Variants in DPF3 observed in about 807,000 individuals in gnomAD.
DPF3 encodes the protein double PHD fingers 3, also known as zinc finger protein DPF3.
A neutral mutation model predicts 56.8 loss-of-function variants in DPF3; 18 were observed. That is an observed-to-expected ratio of 0.32 (90% CI 0.22 to 0.47). DPF3 has a LOEUF of 0.47. Ranked by LOEUF, DPF3 falls within the 20% of genes least tolerant of loss-of-function variation. The pLI, the probability that DPF3 is intolerant of heterozygous loss-of-function variation, is 1.00. For synonymous variants in DPF3, 188 were observed against 180.2 expected (o/e 1.04, Z -0.35); for missense variants, 403 against 488.8 (o/e 0.82, Z 1.65).
chr14:72,687,620 G>A (rs555904572), intron 7 of DPF3, among the ~76,000 whole-genome samples: 3 of 152,242 alleles, frequency 2.0e-5, no homozygotes, highest in Admixed American at 1.3e-4. Context: ...TTGTCTGAAT[G>A]TGCCATGCTA....
intron 3 of DPF3, among the ~76,000 whole-genome samples, chr14:72,736,518 C>T (rs2139866409): frequency 6.6e-6 from 1 of 152,242 alleles, no homozygotes; most frequent in Middle Eastern, 3.4e-3. Context: ...CACTGCAAAC[C>T]CTGGTTGCAA....
At chr14:72,671,400 C>A in intron 8 of DPF3, 1 of 1,588,926 alleles carries the variant, frequency 6.3e-7, no homozygotes, top group South Asian at 1.1e-5. Context: ...TATTAATATT[C>A]TCATTACATT....
intron 8 of DPF3, chr14:72,670,661 C>T (rs941208499): frequency 1.0e-6 from 1 of 989,218 alleles, no homozygotes; most frequent in African/African-American, 1.8e-5. Context: ...CTCTCTCTCG[C>T]AAAAAAAGTC....
chr14:72,835,942 G>T, intron 1 of DPF3: 1 of 703,446 alleles, frequency 1.4e-6, no homozygotes, highest in Non-Finnish European at 1.7e-6. Flanking sequence ...TTGACTCTTC[G>T]ACACCTAAAA....
At chr14:72,621,872 C>T (rs1884471982) in intron 9 of DPF3, among the ~76,000 whole-genome samples, 1 of 152,150 alleles carries the variant, frequency 6.6e-6, no homozygotes, top group South Asian at 2.1e-4. Context: ...TACAGCCACC[C>T]AATGGGACAT....
At chr14:72,891,688 C>A (rs1243828062) in intron 1 of DPF3, among the ~76,000 whole-genome samples, 1 of 152,010 alleles carries the variant, frequency 6.6e-6, no homozygotes, top group Non-Finnish European at 1.5e-5. Context: ...CAAAAACTGT[C>A]CAGGGTGTGA....
chr14:72,751,507 A>G (rs190714360), intron 3 of DPF3, among the ~76,000 whole-genome samples: 22 of 152,354 alleles, frequency 1.4e-4, no homozygotes, highest in African/African-American at 5.0e-4. Context: ...GCTGCAGGCC[A>G]GGACCGCACT....
At chr14:72,752,915 T>C (rs1036862595) in intron 3 of DPF3, among the ~76,000 whole-genome samples, 1 of 152,178 alleles carries the variant, frequency 6.6e-6, no homozygotes, top group African/African-American at 2.4e-5. Flanking sequence ...AAGATTTCTT[T>C]ACTTGAGGCC....
intron 1 of DPF3, among the ~76,000 whole-genome samples, chr14:72,796,874 T>C (rs1307891820): frequency 1.3e-5 from 2 of 150,790 alleles, no homozygotes; most frequent in Non-Finnish European, 3.0e-5. Flanking sequence ...GGTAGGGAGG[T>C]TTAGAGAAAA....
intron 6 of DPF3, among the ~76,000 whole-genome samples, chr14:72,710,778 G>T (rs1043019328): frequency 3.3e-5 from 5 of 152,232 alleles, no homozygotes; most frequent in African/African-American, 4.8e-5. Context: ...TTAAGCAAGA[G>T]ATTAAAAGGG....
At chr14:72,835,098 T>A (rs1367927104) in intron 1 of DPF3, among the ~76,000 whole-genome samples, 1 of 151,802 alleles carries the variant, frequency 6.6e-6, no homozygotes, top group Non-Finnish European at 1.5e-5. Context: ...TCTTTTTTCT[T>A]TTTCTGTCAC....
At chr14:72,873,187 A>G (rs1399051808) in intron 1 of DPF3, among the ~76,000 whole-genome samples, 14 of 152,166 alleles carry the variant, frequency 9.2e-5, no homozygotes, top group Non-Finnish European at 1.8e-4. Context: ...ACAAAGGGCT[A>G]ATATCCAGAA....
intron 5 of DPF3, among the ~76,000 whole-genome samples, chr14:72,715,020 G>A (rs777924269): frequency 3.9e-5 from 6 of 152,244 alleles, no homozygotes; most frequent in Middle Eastern, 3.4e-3. Flanking sequence ...GTCCATCCCC[G>A]CAGTGTCGCA....
At chr14:72,830,755 C>T (rs1329537382) in intron 1 of DPF3, among the ~76,000 whole-genome samples, 3 of 152,204 alleles carry the variant, frequency 2.0e-5, no homozygotes, top group Non-Finnish European at 4.4e-5. Context: ...AAGGACCTTA[C>T]ACATAATATA....
intron 2 of DPF3, among the ~76,000 whole-genome samples, chr14:72,759,346 A>G (rs916603137): frequency 2.0e-5 from 3 of 152,232 alleles, no homozygotes; most frequent in African/African-American, 7.2e-5. Context: ...TGTGTAATTG[A>G]AGAAAGGGAA....
At chr14:72,688,214 G>GTGGATGGATGGA (rs1237171034) in intron 7 of DPF3, among the ~76,000 whole-genome samples, 1 of 126,586 alleles carries the variant, frequency 7.9e-6, no homozygotes, top group African/African-American at 3.0e-5. Flanking sequence ...GGGTGTGTGG[G>GTGGATGGATGGA]TGGATGGATG....
Position 72,629,663 on chromosome 14 carries a change from C to T in DPF3, c.945G>A (p.Glu315=), listed in dbSNP as rs1294731974. The T allele has an allele frequency of 1.3e-6, 2 of 1,536,120 alleles. No homozygotes were observed. The highest frequency in any genetic ancestry group is 2.0e-5 in the Admixed American group (1 of 51,006). ...AVKTYKWQCI[E]CKSCILCGTS... is the part of the protein sequence containing the mutation. ...TCCCACAGAGGATACAGGATTTGCA[C>T]TCTATGCACTGCCACTTGTAGGTCT... is the stretch of plus-strand genomic sequence containing the variant. Residue 315 remains glutamate (E), a synonymous_variant, in exon 9 of 11, where the codon GAG becomes GAA. Coordinates refer to ENST00000556509, the MANE Select transcript of DPF3 (RefSeq NM_001280542.3).
chr14:72,711,519 T>C (rs1004450722), intron 6 of DPF3, among the ~76,000 whole-genome samples: 6 of 152,082 alleles, frequency 3.9e-5, no homozygotes, highest in Admixed American at 6.5e-5. Flanking sequence ...TAAGGAGATA[T>C]GTCCGCTGCT....
chr14:72,609,234 C>T lies in DPF3; in HGVS notation c.*10063G>A, dbSNP rs920880278. Reference sequence around the variant, plus strand: ...AGGGGTCCCAAAGAAGAAGGCTGCTCGATCCCCACATTCTTCATCTCATCA... The same window carrying T: ...AGGGGTCCCAAAGAAGAAGGCTGCTTGATCCCCACATTCTTCATCTCATCA... On this transcript the variant is annotated 3_prime_UTR_variant, in exon 11 of 11. Coordinates refer to ENST00000556509, the MANE Select transcript of DPF3 (RefSeq NM_001280542.3). 6.6e-6 allele frequency among the ~76,000 whole-genome samples: 1 copy of T among 152,148 alleles called. No homozygotes were observed. The highest frequency in any genetic ancestry group is 6.6e-5 in the Admixed American group (1 of 15,266).
Sources: allele counts gnomAD v4.1 joint callset (sites outside exome capture counted in the v4.1 genomes callset), GRCh38; gene constraint gnomAD v4.1.1; transcripts MANE v1.5; gene names NCBI Gene and HGNC (gene_info 2026-07-23, HGNC 2026-07-21).